Variants in TBCD observed in about 807,000 individuals in gnomAD.
The protein encoded by TBCD is tubulin folding cofactor D.
TBCD carries 105 observed loss-of-function variants against 169.3 expected under a neutral mutation model. The observed-to-expected ratio is 0.62, with a 90% CI of 0.53 to 0.73. The LOEUF is 0.73. Among genes scored for constraint, TBCD ranks in the 30% least tolerant of loss-of-function variants. TBCD has a pLI of 0.00. For missense variants in TBCD, 1,444 were observed against 1,600.1 expected, an observed-to-expected ratio of 0.90 and a Z score of 1.66; for synonymous variants, 700 against 643.9, an observed-to-expected ratio of 1.09 and a Z score of -1.32.
chr17:82,854,816 G>A (rs1490083145), intron 13 of TBCD, among the ~76,000 whole-genome samples: 12 of 152,200 alleles, frequency 7.9e-5, no homozygotes, highest in East Asian at 1.9e-4. Flanking sequence ...TTTCTATCAC[G>A]TATTGAAAGA....
intron 13 of TBCD, among the ~76,000 whole-genome samples, chr17:82,855,789 C>T (rs930977155): frequency 2.0e-5 from 3 of 152,166 alleles, no homozygotes; most frequent in Admixed American, 6.5e-5. Flanking sequence ...TGACACATCA[C>T]GACACATGAC....
chr17:82,859,481 A>C (rs1028546498), intron 13 of TBCD: 1 of 911,668 alleles, frequency 1.1e-6, no homozygotes, highest in Admixed American at 6.2e-5. Flanking sequence ...TGTCCTCCCT[A>C]CACTCACACA....
At chr17:82,941,800 G>A in intron 38 of TBCD, 1 of 407,370 alleles carries the variant, frequency 2.5e-6, no homozygotes, top group South Asian at 4.0e-5. Context: ...AGTGCCAAGA[G>A]TGCCACCCTA....
At chr17:82,839,430 T>C (rs1048254780) in intron 13 of TBCD, among the ~76,000 whole-genome samples, 1 of 150,258 alleles carries the variant, frequency 6.7e-6, no homozygotes, top group Non-Finnish European at 1.5e-5. Context: ...CTAATGTACA[T>C]ACACCACACA....
intron 7 of TBCD, among the ~76,000 whole-genome samples, chr17:82,794,192 G>A (rs931229483): frequency 6.6e-6 from 1 of 152,232 alleles, no homozygotes; most frequent in South Asian, 2.1e-4. Flanking sequence ...GCTTGGCAGC[G>A]GGTGAGCTTG....
At chr17:82,819,514 A>G (rs2145028821) in intron 13 of TBCD, among the ~76,000 whole-genome samples, 1 of 150,006 alleles carries the variant, frequency 6.7e-6, no homozygotes, top group Non-Finnish European at 1.5e-5. Context: ...GCGCAACAAA[A>G]TGAGATCCTG....
In TBCD at chr17:82,926,452, T is replaced by C; in HGVS notation, c.2432T>C (p.Phe811Ser). Residue 811 changes from phenylalanine (F) to serine (S), a missense_variant, in exon 28 of 39, where the codon TTT becomes TCT. By Grantham distance (155) the Phe-to-Ser change is radical. Coordinates refer to ENST00000355528, the MANE Select transcript of TBCD (RefSeq NM_005993.5). ...CACACTTCCCCCGAGGACGTAAGTTTTGCTGAGTCCAGGAGAGACGGCTTG... is the reference window on the plus strand; with the variant it reads ...CACACTTCCCCCGAGGACGTAAGTTCTGCTGAGTCCAGGAGAGACGGCTTG... ...VTHTSPEDVS[F>S]AESRRDGLKA... is the part of the protein sequence containing the mutation. 1 of 1,614,030 alleles carries C rather than the reference T, an allele frequency of 6.2e-7. No individual in the cohort carries two copies. The highest frequency in any genetic ancestry group is 2.2e-5 in the East Asian group (1 of 44,878).
chr17:82,809,625 G>A, intron 11 of TBCD, 83 bp from the exon 12 acceptor site: 3 of 1,423,956 alleles, frequency 2.1e-6, no homozygotes, highest in East Asian at 2.4e-5. Context: ...AAGGATGGGT[G>A]TTCAGGCCAT....
chr17:82,925,123 C>A (rs2061640640), intron 27 of TBCD, 66 bp downstream of exon 27: 3 of 1,275,972 alleles, frequency 2.4e-6, no homozygotes, highest in Non-Finnish European at 3.3e-6. Flanking sequence ...TGTGTTGGGG[C>A]ATGAGGTAGG....
chr17:82,930,379 C>A lies in TBCD; in HGVS notation c.2992-143C>A. On this transcript the variant is annotated intron_variant, in intron 32 of 38. Transcript: ENST00000355528. The surrounding 1 kb of genome is among the most constrained non-coding windows in gnomAD (Gnocchi z 5.2). The stretch of plus-strand genomic sequence containing the variant: ...GAGTGGCTCCGTGCTGGCGTCCGCA[C>A]CAGCCGCTTGGGGCCAGACCTTCGC... The A allele has an allele frequency of 7.8e-7, 1 of 1,288,384 alleles. No homozygotes were observed. The highest frequency in any genetic ancestry group is 1.0e-6 in the Non-Finnish European group (1 of 962,076). The allele number at this position is 1,288,384 out of a possible 1,614,324, so 79.8% of individuals were successfully genotyped here.
chr17:82,884,057 C>T lies in TBCD; in HGVS notation c.1476-88C>T, dbSNP rs1260294762. The T allele has an allele frequency of 5.3e-6, 7 of 1,321,354 alleles. No individual in the cohort carries two copies. The highest frequency in any genetic ancestry group is 2.5e-5 in the East Asian group (1 of 39,686). The allele number at this position is 1,321,354 out of a possible 1,614,324, so 81.9% of individuals were successfully genotyped here. A position where few individuals can be genotyped will look rare whatever the true frequency, so the allele number is the denominator to read the frequency against. Reference sequence around the variant, plus strand: ...GTCTGAACCTCAAGTGGGCCTGAGTCGTGAGAGAAAGGCTTTCTCATCGAT... The same window carrying T: ...GTCTGAACCTCAAGTGGGCCTGAGTTGTGAGAGAAAGGCTTTCTCATCGAT... On this transcript the variant is annotated intron_variant, in intron 14 of 38. Coordinates refer to ENST00000355528, the MANE Select transcript of TBCD (RefSeq NM_005993.5). The surrounding 1 kb of genome is among the most constrained non-coding windows in gnomAD (Gnocchi z 4.2).
intron 6 of TBCD, among the ~76,000 whole-genome samples, chr17:82,774,029 C>T (rs1171722841): frequency 3.4e-5 from 5 of 145,274 alleles, no homozygotes; most frequent in Admixed American, 6.9e-5. Flanking sequence ...GCGCCTGGCC[C>T]GAGTGTGTCT....
At chr17:82,905,662 C>T (rs1284115807) in intron 19 of TBCD, among the ~76,000 whole-genome samples, 8 of 22,244 alleles carry the variant, frequency 3.6e-4, no homozygotes, top group African/African-American at 1.5e-3. Flanking sequence ...TGTGTGGGTG[C>T]GTGTGGGCTT....
In TBCD at chr17:82,906,602, C is replaced by T. The variant is rs963867310; in HGVS notation, c.1922+549C>T. ...CATCGACTGTCGTCTTACGTTTCTT[C>T]CCAGTCGAGTCTTCCTCAAGAGTAA... On this transcript the variant is annotated intron_variant, in intron 20 of 38. Coordinates refer to ENST00000355528, the MANE Select transcript of TBCD (RefSeq NM_005993.5). 1.7e-3 allele frequency among the ~76,000 whole-genome samples: 260 copies of T among 152,374 alleles called. 2 individuals carry two copies. The highest frequency in any genetic ancestry group is 6.9e-4 in the Non-Finnish European group (47 of 68,040).
intron 13 of TBCD, among the ~76,000 whole-genome samples, chr17:82,856,984 G>T (rs1301750093): frequency 2.6e-5 from 4 of 151,776 alleles, no homozygotes; most frequent in Non-Finnish European, 4.4e-5. Flanking sequence ...CGCATCCAGG[G>T]CGGGATCGCT....
intron 28 of TBCD, chr17:82,926,776 T>C (rs1015514967): frequency 8.1e-5 from 44 of 545,972 alleles, no homozygotes; most frequent in Non-Finnish European, 1.4e-4. Context: ...TGCCAGCCAG[T>C]GTTTGGAATG....
intron 5 of TBCD, among the ~76,000 whole-genome samples, chr17:82,770,386 G>C (rs1445541000): frequency 6.6e-6 from 1 of 151,648 alleles, no homozygotes; most frequent in Non-Finnish European, 1.5e-5. Context: ...TATCACCTGA[G>C]GTCAGGAATT....
In TBCD at chr17:82,831,004, A is replaced by G. The variant is rs928379244; in HGVS notation, c.1318+16070A>G. The G allele has an allele frequency of 6.2e-7, 1 of 1,613,956 alleles. No individual in the cohort carries two copies. Among genetic ancestry groups the G allele is most frequent in the Non-Finnish European group, 8.5e-7 (1 of 1,180,010 alleles). On this transcript the variant is annotated intron_variant, in intron 13 of 38. Coordinates refer to ENST00000355528, the MANE Select transcript of TBCD (RefSeq NM_005993.5). This position sits in a 1 kb window ranked among gnomAD's most constrained non-coding sequence, Gnocchi z 4.6. ...AAACATTCCCTTGGAGGTTTTGAAA[A>G]TGACATTTTCTTACCTTACTGGAGA...
At chr17:82,907,899 G>T in intron 21 of TBCD, 78 bp downstream of exon 21, 1 of 1,480,508 alleles carries the variant, frequency 6.8e-7, no homozygotes, top group Non-Finnish European at 9.2e-7. Context: ...CCCTCCCCAG[G>T]CAGGGTCTGC....
Sources: allele counts gnomAD v4.1 joint callset (sites outside exome capture counted in the v4.1 genomes callset), GRCh38; gene constraint gnomAD v4.1.1; non-coding constraint Gnocchi (gnomAD v3.1); transcripts MANE v1.5; gene names NCBI Gene and HGNC (gene_info 2026-07-23, HGNC 2026-07-21).